The following SAGE1 variants were observed in gnomAD, a reference collection of about 807,000 sequenced individuals.
SAGE1 encodes the protein cancer/testis antigen 14.
SAGE1 carries 55 observed loss-of-function variants against 55.4 expected under a neutral mutation model. The ratio of observed to expected loss-of-function variants is 0.99; its 90% confidence interval spans 0.80 to 1.24. The LOEUF is 1.24. SAGE1 is among the 50% of genes most tolerant of loss of function. SAGE1 has a pLI of 0.00. For missense variants in SAGE1, 710 were observed against 704.4 expected (o/e 1.01, Z -0.09); for synonymous variants, 240 against 244.3 (o/e 0.98, Z 0.17).
intron 4 of SAGE1, 123 bp from the exon 5 acceptor site, chrX:135,905,128 AT>A (rs1556599570): frequency 1.5e-6 from 1 of 648,319 alleles, no homozygotes; most frequent in Non-Finnish European, 2.3e-6. Context: ...GACTCAAATC[AT>A]TATATGATGT....
chrX:135,906,270 T>G, intron 6 of SAGE1, 106 bp downstream of exon 6: 1 of 1,062,847 alleles, frequency 9.4e-7, no homozygotes, highest in Non-Finnish European at 1.3e-6. Context: ...CTGGCCTAAA[T>G]CTGAGGGGTC....
At chrX:135,897,150 T>C (rs1298149944) in intron 2 of SAGE1, among the ~76,000 whole-genome samples, 2 of 112,233 alleles carry the variant, frequency 1.8e-5, no homozygotes, top group Non-Finnish European at 1.9e-5. Context: ...TAAGTATTCC[T>C]CGTGGAATAT....
chrX:135,905,223 A>C, intron 4 of SAGE1, 29 bp from the exon 5 acceptor site: 1 of 1,195,173 alleles, frequency 8.4e-7, no homozygotes, highest in Admixed American at 2.2e-5. Context: ...CACATACCTC[A>C]CAACTCAACC....
rs1556604808 is a variant in SAGE1 at position 135,909,530 on chromosome X, C to T, written c.1583-109C>T. The T allele has an allele frequency of 4.8e-6, 4 of 827,073 alleles. No individual in the cohort carries two copies. The South Asian group carries it at 1.2e-4, about 24-fold the overall frequency. 68.2% of individuals were successfully genotyped at this position (827,073 alleles called of 1,213,427 possible). A position where few individuals can be genotyped will look rare whatever the true frequency, so the allele number is the denominator to read the frequency against. ...GTCTCAGATCACCACCTGTTATAGC[C>T]TCCTGTGTTATGGAACAATTTCTTA... On this transcript the variant is annotated intron_variant, in intron 13 of 19. Coordinates refer to ENST00000370709, the MANE Select transcript of SAGE1 (RefSeq NM_001381902.1).
rs1556602496 is a variant in SAGE1 at position 135,907,422 on chromosome X, T to C, written c.987T>C (p.Thr329=). 8.3e-7 allele frequency: 1 copy of C among 1,208,663 alleles called. No individual in the cohort carries two copies. Among genetic ancestry groups the C allele is most frequent in the Admixed American group, 2.2e-5 (1 of 45,911 alleles). ...CAGTGATTATTTATTTGACAGCAACTGGTATTCCGGGCATGAATACCAGGG... is the reference window on the plus strand; with the variant it reads ...CAGTGATTATTTATTTGACAGCAACCGGTATTCCGGGCATGAATACCAGGG... ...VQPVIIYLTA[T]GIPGMNTRDQ... is the part of the protein sequence containing the mutation. The change falls in exon 9 of 20, where the codon ACT becomes ACC. Residue 329 remains threonine, a synonymous_variant. Transcript: ENST00000370709.
intron 3 of SAGE1, 48 bp downstream of exon 3, chrX:135,901,739 T>G: frequency 9.0e-7 from 1 of 1,111,894 alleles, no homozygotes; most frequent in East Asian, 3.0e-5. Flanking sequence ...AAAGGACATT[T>G]GTAGTCATGT....
chrX:135,898,011 C>G (rs1426764839), intron 2 of SAGE1, among the ~76,000 whole-genome samples: 1 of 112,128 alleles, frequency 8.9e-6, no homozygotes, highest in Non-Finnish European at 1.9e-5. Context: ...GATCTCATTC[C>G]TTTTTTATTT....
Position 135,907,438 on chromosome X carries a change from A to G in SAGE1, c.1003A>G (p.Asn335Asp), listed in dbSNP as rs1556602540. The change falls in exon 9 of 20, where the codon AAT (asparagine) becomes GAT (aspartate). Residue 335 changes from asparagine to aspartate, a missense_variant. Transcript: ENST00000370709. ...GACAGCAACTGGTATTCCGGGCATG[A>G]ATACCAGGGATCAGTGTATGTTTGT... ...YLTATGIPGM[N>D]TRDQYATITH... 8.3e-7 allele frequency: 1 copy of G among 1,204,404 alleles called. No homozygotes were observed. The highest frequency in any genetic ancestry group is 1.1e-6 in the Non-Finnish European group (1 of 891,230).
In SAGE1 at chrX:135,910,100, C is replaced by T; in HGVS notation, c.1794C>T (p.Phe598=). 2 of 1,205,246 alleles carry T rather than the reference C, an allele frequency of 1.7e-6. No homozygotes were observed. The highest frequency in any genetic ancestry group is 3.5e-5 in the South Asian group (2 of 56,723). The part of the protein sequence containing the change: ...KNGQAASDNV[F]STVPPAFINM... ...GCCAAGCAGCATCCGATAATGTCTT[C>T]TCGACTGTTCCACCAGCATTTATTA... The change falls in exon 15 of 20, where the codon TTC becomes TTT. Residue 598 remains phenylalanine, a synonymous_variant. Transcript: ENST00000370709.
Position 135,907,069 on chromosome X carries a change from A to G in SAGE1, c.877+3A>G. 1.7e-6 allele frequency: 2 copies of G among 1,203,956 alleles called. No individual in the cohort carries two copies. Among genetic ancestry groups the G allele is most frequent in the Middle Eastern group, 2.3e-4 (1 of 4,291 alleles). ...AGCCATCAGCACCAATGGCCTGTGT[A>G]TGTTTGCTTGTTAATTGGATTATCC... On this transcript the variant is annotated splice_donor_region_variant and intron_variant, in intron 8 of 19. Coordinates refer to ENST00000370709, the MANE Select transcript of SAGE1 (RefSeq NM_001381902.1).
At chrX:135,905,872 C>A in intron 5 of SAGE1, 152 bp from the exon 6 acceptor site, 1 of 489,478 alleles carries the variant, frequency 2.0e-6, no homozygotes, top group South Asian at 4.2e-5. Flanking sequence ...ATTATCTTTT[C>A]TGGCCTAAAA....
At chrX:135,902,382 C>T (rs5975629) in intron 3 of SAGE1, among the ~76,000 whole-genome samples, 24,051 of 111,414 alleles carry the variant, frequency 0.22, 2,029 homozygotes, top group Non-Finnish European at 0.26. Flanking sequence ...TAAAATTCAA[C>T]TGACTCTACA....
At chrX:135,897,810 C>A (rs782128205) in intron 2 of SAGE1, among the ~76,000 whole-genome samples, 26 of 110,229 alleles carry the variant, frequency 2.4e-4, no homozygotes, top group African/African-American at 8.3e-4. Flanking sequence ...GCTATTTTTC[C>A]TGATGCATTC....
Position 135,908,236 on chromosome X carries a change from T to C in SAGE1, c.1300+7T>C, listed in dbSNP as rs1245240986. 1 of 1,197,743 alleles carries C rather than the reference T, an allele frequency of 8.3e-7. No homozygotes were observed. Among genetic ancestry groups the C allele is most frequent in the Non-Finnish European group, 1.1e-6 (1 of 885,641 alleles). On this transcript the variant is annotated splice_region_variant and intron_variant, in intron 11 of 19. Transcript: ENST00000370709. The stretch of plus-strand genomic sequence containing the variant: ...ATGAGTACCAGGGATCAGTGTATGT[T>C]TGCTTACTAGTTGTACTATCCTACT...
Position 135,906,546 on chromosome X carries a change from A to G in SAGE1, c.731A>G (p.Asp244Gly). Residue 244 changes from aspartate (D) to glycine (G), a missense_variant, in exon 7 of 20, where the codon GAT (aspartate) becomes GGT (glycine). Transcript: ENST00000370709. Reference sequence around the variant, plus strand: ...GGTATTTCACCCATGAGTACCAGGGATCCATGTAAGTTTGTTTATTTGTAT... The same window carrying G: ...GGTATTTCACCCATGAGTACCAGGGGTCCATGTAAGTTTGTTTATTTGTAT... Reference protein sequence around the residue: ...DTGISPMSTRDPYATITYNVP... With the variant: ...DTGISPMSTRGPYATITYNVP... 8.4e-7 allele frequency: 1 copy of G among 1,187,487 alleles called. No individual in the cohort carries two copies. The highest frequency in any genetic ancestry group is 1.1e-6 in the Non-Finnish European group (1 of 879,006).
intron 2 of SAGE1, among the ~76,000 whole-genome samples, chrX:135,900,094 G>A (rs782593494): frequency 3.6e-5 from 4 of 111,030 alleles, no homozygotes; most frequent in Non-Finnish European, 5.7e-5. Flanking sequence ...AATGCTTCCA[G>A]GTTTTTCCCA....
rs1454323900 is a variant in SAGE1 at position 135,908,920 on chromosome X, A to G, written c.1498A>G (p.Thr500Ala). The change falls in exon 13 of 20, where the codon ACT (threonine) becomes GCT (alanine). Residue 500 changes from threonine (T) to alanine (A), a missense_variant. By Grantham distance (58) the Thr-to-Ala change is moderately conservative. Coordinates refer to ENST00000370709, the MANE Select transcript of SAGE1 (RefSeq NM_001381902.1). ...GAAGATGGAAAGTGGCAAACCCCAA[A>G]CTGATAAGGTCATATCAAATGATGC... ...EEKMESGKPQTDKVISNDAPQ... is the reference protein window; with the variant it reads ...EEKMESGKPQADKVISNDAPQ... 3.3e-6 allele frequency: 4 copies of G among 1,206,558 alleles called. No individual in the cohort carries two copies. The highest frequency in any genetic ancestry group is 4.5e-6 in the Non-Finnish European group (4 of 892,811).
At chrX:135,901,918 C>T (rs1300686629) in intron 3 of SAGE1, among the ~76,000 whole-genome samples, 4 of 111,888 alleles carry the variant, frequency 3.6e-5, no homozygotes, top group African/African-American at 9.7e-5. Flanking sequence ...TTCTGCCTGT[C>T]CTCACATTCC....
Position 135,911,250 on chromosome X carries a change from T to C in SAGE1, c.2064T>C (p.Pro688=), listed in dbSNP as rs2148097572. The C allele has an allele frequency of 8.3e-7, 1 of 1,209,316 alleles. No homozygotes were observed. Among genetic ancestry groups the C allele is most frequent in the East Asian group, 3.0e-5 (1 of 33,821 alleles). Residue 688 remains proline (P), a synonymous_variant, in exon 17 of 20, where the codon CCT becomes CCC. Coordinates refer to ENST00000370709, the MANE Select transcript of SAGE1 (RefSeq NM_001381902.1). ...AGATGACAAATGGCCAACAGGCACC[T>C]GATAACTCCTTGTCAACGGTTCCAC... ...EEKMTNGQQA[P]DNSLSTVPPG...
Sources: allele counts gnomAD v4.1 joint callset (sites outside exome capture counted in the v4.1 genomes callset), GRCh38; gene constraint gnomAD v4.1.1; transcripts MANE v1.5; gene names NCBI Gene and HGNC (gene_info 2026-07-23, HGNC 2026-07-21).